The following PTP4A3 variants were observed in gnomAD, a reference collection of about 807,000 sequenced individuals.
PTP4A3 encodes the protein protein tyrosine phosphatase type IVA 3.
PTP4A3 carries 9 observed loss-of-function variants against 15.2 expected under a neutral mutation model. That is an observed-to-expected ratio of 0.59 (90% CI 0.36 to 1.03). The LOEUF (loss-of-function observed/expected upper bound fraction) is 1.03, where lower values mean the gene tolerates loss of function less well. Among genes scored for constraint, PTP4A3 ranks in the 50% least tolerant of loss-of-function variants. PTP4A3 has a pLI of 0.02. For synonymous variants in PTP4A3, 95 were observed against 102.0 expected (o/e 0.93, Z 0.41); for missense variants, 234 against 252.1 (o/e 0.93, Z 0.49).
chr8:141,424,141 C>G (rs1439480482), intron 2 of PTP4A3, among the ~76,000 whole-genome samples: 1 of 152,074 alleles, frequency 6.6e-6, no homozygotes, highest in East Asian at 1.9e-4. Flanking sequence ...CTGCCTGCTC[C>G]CTGCATTCTC....
intron 1 of PTP4A3, among the ~76,000 whole-genome samples, chr8:141,393,062 C>G (rs1317216248): frequency 6.6e-6 from 1 of 152,202 alleles, no homozygotes; most frequent in Non-Finnish European, 1.5e-5. Flanking sequence ...CGGCTGCAGA[C>G]CAGAGGAGGT....
Position 141,425,855 on chromosome 8 carries a change from C to T in PTP4A3, c.198+715C>T, listed in dbSNP as rs1250086360. On this transcript the variant is annotated intron_variant, in intron 3 of 5. Coordinates refer to ENST00000521578, the MANE Select transcript of PTP4A3 (RefSeq NM_032611.3). The surrounding 1 kb of genome is among the most constrained non-coding windows in gnomAD (Gnocchi z 4.2). ...CGGTTTGGAATGGTGGCAGCGCTGG[C>T]GGTTTGGGGTCAGACAGGCCTTGGG... Among the ~76,000 whole-genome samples, 4 of 152,186 alleles carry T rather than the reference C, an allele frequency of 2.6e-5. No homozygotes were observed. Among genetic ancestry groups the T allele is most frequent in the East Asian group, 1.9e-4 (1 of 5,190 alleles).
At chr8:141,424,102 G>A (rs576575162) in intron 2 of PTP4A3, among the ~76,000 whole-genome samples, 1 of 152,196 alleles carries the variant, frequency 6.6e-6, no homozygotes, top group Admixed American at 6.5e-5. Flanking sequence ...GGGCCTCTGA[G>A]GTACCCCATG....
At chr8:141,415,990 TATAA>T (rs1162526780) in intron 1 of PTP4A3, among the ~76,000 whole-genome samples, 1 of 151,896 alleles carries the variant, frequency 6.6e-6, no homozygotes, top group African/African-American at 2.4e-5. Context: ...CCTGCCTGGT[TATAA>T]ATAGACTTCT....
chr8:141,396,908 G>A lies in PTP4A3; in HGVS notation c.-854+4824G>A, dbSNP rs13439688. Among the ~76,000 whole-genome samples, 1,359 of 152,304 alleles carry A rather than the reference G, an allele frequency of 8.9e-3. 14 individuals carry two copies. The highest frequency in any genetic ancestry group is 0.03 in the African/African-American group (1,232 of 41,556). ...ACAGTGGATGAACGATCCAGGGAAGGAAACAGCCTGGGCTGTGCTCTCTGG... is the reference window on the plus strand; with the variant it reads ...ACAGTGGATGAACGATCCAGGGAAGAAAACAGCCTGGGCTGTGCTCTCTGG... On this transcript the variant is annotated intron_variant, in intron 1 of 5. Transcript: ENST00000521578.
At chr8:141,424,914 C>A in intron 2 of PTP4A3, 134 bp from the exon 3 acceptor site, 1 of 732,708 alleles carries the variant, frequency 1.4e-6, no homozygotes, top group Non-Finnish European at 2.3e-6. Flanking sequence ...CCCGAGAGGT[C>A]TGAGGGGACA....
chr8:141,410,332 CA>C (rs1210444062), intron 1 of PTP4A3, among the ~76,000 whole-genome samples: 1 of 152,230 alleles, frequency 6.6e-6, no homozygotes, highest in Non-Finnish European at 1.5e-5. Context: ...TGCCTGGTTT[CA>C]AAAACATTCC....
At position 141,406,506 on chromosome 8, in the gene PTP4A3, C is replaced by G. The variant is rs1346159141; in HGVS notation, c.-854+14422C>G. On this transcript the variant is annotated intron_variant, in intron 1 of 5. Transcript: ENST00000521578. This position sits in a 1 kb window ranked among gnomAD's most constrained non-coding sequence, Gnocchi z 4.5. ...GAAGTCCTGCCCTCCTGCCTCTGGC[C>G]CTTGCTCAAGCCGCGCCCCCATCTG... 6.6e-6 allele frequency among the ~76,000 whole-genome samples: 1 copy of G among 152,126 alleles called. No individual in the cohort carries two copies. The highest frequency in any genetic ancestry group is 2.4e-5 in the African/African-American group (1 of 41,426).
chr8:141,395,550 T>C (rs367745162), intron 1 of PTP4A3, among the ~76,000 whole-genome samples: 19 of 140,284 alleles, frequency 1.4e-4, no homozygotes, highest in African/African-American at 4.7e-4. Flanking sequence ...CATTGCCCAG[T>C]GCACCCCCAC....
chr8:141,421,975 G>A lies in PTP4A3; in HGVS notation c.-266G>A, dbSNP rs896577442. 6.9e-6 allele frequency: 3 copies of A among 432,066 alleles called. No homozygotes were observed. The highest frequency in any genetic ancestry group is 1.2e-5 in the Non-Finnish European group (3 of 244,090). 26.8% of individuals were successfully genotyped at this position (432,066 alleles called of 1,614,324 possible). A position where few individuals can be genotyped will look rare whatever the true frequency, so the allele number is the denominator to read the frequency against. On this transcript the variant is annotated 5_prime_UTR_variant, in exon 2 of 6. Transcript: ENST00000521578. ...TTACTTTGGTTGGGTTGGGGGGGGC[G>A]GCGGGCTGTTTTGTTCCTTTTCTTT...
At position 141,422,015 on chromosome 8, in the gene PTP4A3, T is replaced by A. The variant is rs796853346; in HGVS notation, c.-226T>A. The A allele has an allele frequency of 2.0e-6, 1 of 500,794 alleles. No homozygotes were observed. The highest frequency in any genetic ancestry group is 3.5e-6 in the Non-Finnish European group (1 of 285,698). 31.0% of individuals were successfully genotyped at this position (500,794 alleles called of 1,614,324 possible). On this transcript the variant is annotated 5_prime_UTR_variant, in exon 2 of 6. Transcript: ENST00000521578. ...TCCTTTTCTTTTTTAAGAGTTGGGT[T>A]TTCTTTTTTAATTATCCAAACAGTG... is the stretch of plus-strand genomic sequence containing the variant.
At chr8:141,410,619 G>A (rs900066109) in intron 1 of PTP4A3, among the ~76,000 whole-genome samples, 7 of 152,226 alleles carry the variant, frequency 4.6e-5, no homozygotes, top group Non-Finnish European at 1.0e-4. Context: ...CCAAGGGCAG[G>A]TCCATGAAGG....
At chr8:141,417,996 G>A (rs1329984518) in intron 1 of PTP4A3, among the ~76,000 whole-genome samples, 1 of 151,986 alleles carries the variant, frequency 6.6e-6, no homozygotes, top group Non-Finnish European at 1.5e-5. Context: ...GCGTATGGAG[G>A]CGGTGGGACG....
At chr8:141,426,672 C>T in intron 3 of PTP4A3, 1 of 985,318 alleles carries the variant, frequency 1.0e-6, no homozygotes, top group African/African-American at 1.7e-5. Context: ...AGGCTCTATT[C>T]AGAAAGGGGT....
chr8:141,403,032 C>T (rs897888126), intron 1 of PTP4A3, among the ~76,000 whole-genome samples: 7 of 152,154 alleles, frequency 4.6e-5, no homozygotes, highest in African/African-American at 9.7e-5. Context: ...GCTGTTCTTC[C>T]GTCCAGCCTC....
At chr8:141,424,904 C>T in intron 2 of PTP4A3, 144 bp from the exon 3 acceptor site, 1 of 684,238 alleles carries the variant, frequency 1.5e-6, no homozygotes. Context: ...AGGGCTCCAC[C>T]CCGAGAGGTC....
intron 1 of PTP4A3, among the ~76,000 whole-genome samples, chr8:141,419,642 G>A (rs1421712113): frequency 6.6e-6 from 1 of 150,808 alleles, no homozygotes; most frequent in Non-Finnish European, 1.5e-5. Flanking sequence ...AGCGATCTCG[G>A]CTCACTGCAA....
At chr8:141,409,402 G>A (rs546593433) in intron 1 of PTP4A3, among the ~76,000 whole-genome samples, 3 of 152,334 alleles carry the variant, frequency 2.0e-5, no homozygotes, top group African/African-American at 4.8e-5. Context: ...GGGGATGGGA[G>A]GGATGGGAGC....
chr8:141,427,136 C>G, intron 4 of PTP4A3, 67 bp downstream of exon 4: 1 of 1,566,346 alleles, frequency 6.4e-7, no homozygotes, highest in South Asian at 1.1e-5. Context: ...CTGACAGCCT[C>G]GCTTTTGGAT....
Sources: allele counts gnomAD v4.1 joint callset (sites outside exome capture counted in the v4.1 genomes callset), GRCh38; gene constraint gnomAD v4.1.1; non-coding constraint Gnocchi (gnomAD v3.1); transcripts MANE v1.5; gene names NCBI Gene and HGNC (gene_info 2026-07-23, HGNC 2026-07-21).